Variants in TDRD7 observed in about 807,000 individuals in gnomAD.
The protein encoded by TDRD7 is tudor domain containing 7, also known as tudor domain-containing protein 7.
Under a neutral mutation model 109.8 loss-of-function variants are expected in TDRD7, and 47 were observed. That is an observed-to-expected ratio of 0.43 (90% CI 0.34 to 0.55). The LOEUF (loss-of-function observed/expected upper bound fraction) is 0.55. Ranked by LOEUF, TDRD7 falls within the 20% of genes least tolerant of loss-of-function variation. TDRD7 has a pLI of 0.03. For synonymous variants in TDRD7, 424 were observed against 457.3 expected (o/e 0.93, Z 0.93); for missense variants, 1,164 against 1,319.2 (o/e 0.88, Z 1.82).
intron 2 of TDRD7, among the ~76,000 whole-genome samples, chr9:97,429,394 A>T (rs1322297450): frequency 6.6e-6 from 1 of 152,114 alleles, no homozygotes; most frequent in Non-Finnish European, 1.5e-5. Flanking sequence ...AAACAAAAAC[A>T]CCCACACCCC....
In TDRD7 at chr9:97,454,128, T is replaced by C. The variant is rs146231072; in HGVS notation, c.856-6050T>C. 6.9e-3 allele frequency among the ~76,000 whole-genome samples: 1,050 copies of C among 152,302 alleles called. 8 individuals carry two copies. The highest frequency in any genetic ancestry group is 0.011 in the Non-Finnish European group (745 of 68,028). ...GCACCACATGGCACTTATTCTGAAA[T>C]TGACCGCATATTTGGAAGTAAAATG... On this transcript the variant is annotated intron_variant, in intron 6 of 16. Coordinates refer to ENST00000355295, the MANE Select transcript of TDRD7 (RefSeq NM_014290.3).
Position 97,460,247 on chromosome 9 carries a change from A to C in TDRD7, c.925A>C (p.Ser309Arg). The stretch of plus-strand genomic sequence containing the variant: ...AGCTAAGAGAAAGCAGCTTTTGAGA[A>C]GTGAACTGGATACTGAGAAAGTACC... ...YPAKRKQLLR[S>R]ELDTEKVPLS... Residue 309 changes from serine to arginine, a missense_variant, in exon 7 of 17, where the codon AGT becomes CGT. Physicochemically the swap from Ser to Arg is moderately radical, Grantham distance 110. Coordinates refer to ENST00000355295, the MANE Select transcript of TDRD7 (RefSeq NM_014290.3). 6.2e-7 allele frequency: 1 copy of C among 1,614,268 alleles called. No homozygotes were observed. Among genetic ancestry groups the C allele is most frequent in the Non-Finnish European group, 8.5e-7 (1 of 1,180,050 alleles).
intron 2 of TDRD7, 86 bp from the exon 3 acceptor site, chr9:97,430,847 C>T: frequency 1.3e-6 from 2 of 1,537,048 alleles, no homozygotes; most frequent in Non-Finnish European, 1.8e-6. Context: ...TATGTAGGCT[C>T]ACTAAGATCC....
At chr9:97,440,751 A>G (rs566498220) in intron 5 of TDRD7, among the ~76,000 whole-genome samples, 149 of 152,324 alleles carry the variant, frequency 9.8e-4, no homozygotes, top group African/African-American at 3.3e-3. Flanking sequence ...CAGAGATACT[A>G]TCTGCTTAAA....
At chr9:97,424,381 T>C (rs1244327364) in intron 1 of TDRD7, among the ~76,000 whole-genome samples, 3 of 152,118 alleles carry the variant, frequency 2.0e-5, no homozygotes, top group Non-Finnish European at 4.4e-5. Context: ...TTACTGATTT[T>C]ATTTTTTTGA....
chr9:97,428,660 T>C lies in TDRD7; in HGVS notation c.195T>C (p.Ser65=). 6.2e-7 allele frequency: 1 copy of C among 1,613,694 alleles called. No individual in the cohort carries two copies. Among genetic ancestry groups the C allele is most frequent in the East Asian group, 2.2e-5 (1 of 44,860 alleles). Residue 65 remains serine, a synonymous_variant, in exon 2 of 17, where the codon AGT becomes AGC. Coordinates refer to ENST00000355295, the MANE Select transcript of TDRD7 (RefSeq NM_014290.3). Reference sequence around the variant, plus strand: ...CAGCAGTGGTCAGGATAGAGACTAGTAGATCTGGAGAGGTAAGAAGGTAAT... The same window carrying C: ...CAGCAGTGGTCAGGATAGAGACTAGCAGATCTGGAGAGGTAAGAAGGTAAT... ...SVPAVVRIET[S]RSGEITCYAM... is the part of the protein sequence containing the mutation.
chr9:97,442,433 A>G (rs1327178859), intron 6 of TDRD7, among the ~76,000 whole-genome samples: 3 of 152,212 alleles, frequency 2.0e-5, no homozygotes, highest in Non-Finnish European at 4.4e-5. Context: ...ATGATTTATC[A>G]ATTTCCATTT....
At position 97,475,384 on chromosome 9, in the gene TDRD7, A is replaced by C. The variant is rs778665179; in HGVS notation, c.2081A>C (p.His694Pro). 6.2e-7 allele frequency: 1 copy of C among 1,612,444 alleles called. No homozygotes were observed. The highest frequency in any genetic ancestry group is 2.2e-5 in the East Asian group (1 of 44,878). ...RKIEDYFHCK[H>P]MTSECFVSLP... ...GTATCATGCATTTCTGTTTTGCAGC[A>C]CATGACCTCTGAGTGCTTTGTTTCA... Residue 694 changes from histidine to proline, a missense_variant and splice_region_variant, in exon 12 of 17, where the codon CAC becomes CCC. By Grantham distance (77) the His-to-Pro change is moderately conservative. Transcript: ENST00000355295.
chr9:97,471,062 TG>T (rs1190530143), intron 9 of TDRD7, among the ~76,000 whole-genome samples: 2 of 152,094 alleles, frequency 1.3e-5, no homozygotes, highest in Non-Finnish European at 2.9e-5. Flanking sequence ...GCTGTGAGGG[TG>T]TGACTGACAC....
chr9:97,459,549 C>G (rs1457870191), intron 6 of TDRD7, among the ~76,000 whole-genome samples: 1 of 152,158 alleles, frequency 6.6e-6, no homozygotes, highest in Non-Finnish European at 1.5e-5. Flanking sequence ...CTGTGCCTCT[C>G]AGAAATGGCA....
At chr9:97,471,762 C>A (rs755163351) in intron 9 of TDRD7, among the ~76,000 whole-genome samples, 8 of 152,112 alleles carry the variant, frequency 5.3e-5, no homozygotes, top group Non-Finnish European at 1.0e-4. Context: ...CAAAATTCAT[C>A]TAATACCTGT....
chr9:97,455,233 A>G (rs1283281144), intron 6 of TDRD7, among the ~76,000 whole-genome samples: 1 of 152,216 alleles, frequency 6.6e-6, no homozygotes, highest in South Asian at 2.1e-4. Context: ...TCACAGCTGA[A>G]TTCTACCAGA....
intron 6 of TDRD7, among the ~76,000 whole-genome samples, chr9:97,456,490 A>C (rs1358199393): frequency 6.6e-6 from 1 of 152,188 alleles, no homozygotes; most frequent in Non-Finnish European, 1.5e-5. Context: ...AAATAGACCA[A>C]TGGAGCAGAA....
intron 1 of TDRD7, among the ~76,000 whole-genome samples, chr9:97,422,642 G>A (rs1827918795): frequency 6.6e-6 from 1 of 152,234 alleles, no homozygotes; most frequent in African/African-American, 2.4e-5. Context: ...CTTTAGCTGT[G>A]AGTAATGATG....
At chr9:97,490,717 T>G (rs1277326548) in intron 16 of TDRD7, among the ~76,000 whole-genome samples, 1 of 151,742 alleles carries the variant, frequency 6.6e-6, no homozygotes, top group African/African-American at 2.4e-5. Flanking sequence ...CTTTGATAGA[T>G]CTTGGATTTT....
At chr9:97,477,536 A>G (rs950120049) in intron 12 of TDRD7, among the ~76,000 whole-genome samples, 3 of 152,150 alleles carry the variant, frequency 2.0e-5, no homozygotes, top group Non-Finnish European at 4.4e-5. Context: ...ATGTCCAAAT[A>G]TTTTAGATAA....
chr9:97,439,418 G>T, intron 5 of TDRD7, 100 bp downstream of exon 5: 2 of 968,642 alleles, frequency 2.1e-6, no homozygotes, highest in Non-Finnish European at 3.2e-6. Flanking sequence ...TCTCCTGTTT[G>T]GAATATATCC....
In TDRD7 at chr9:97,460,345, T is replaced by C; in HGVS notation, c.1023T>C (p.Phe341=). The change falls in exon 7 of 17, where the codon TTT becomes TTC. Residue 341 remains phenylalanine (F), a synonymous_variant. Transcript: ENST00000355295. The stretch of plus-strand genomic sequence containing the variant: ...GTCCAACAGTTATGGCAGGAGACTT[T>C]AAAGAAAAAGTGGCAGACCTGCTGG... The part of the protein sequence containing the change: ...KGCPTVMAGD[F]KEKVADLLVK... 6.2e-7 allele frequency: 1 copy of C among 1,614,202 alleles called. No individual in the cohort carries two copies. Among genetic ancestry groups the C allele is most frequent in the Non-Finnish European group, 8.5e-7 (1 of 1,180,032 alleles).
rs867291993 is a variant in TDRD7 at position 97,472,350 on chromosome 9, G to A, written c.1799G>A (p.Cys600Tyr). Reference sequence around the variant, plus strand: ...GTGAAGGTGGTTGAATCTTTAACTTGTGGAAAGATCTTTGCAGTGGAAATA... The same window carrying A: ...GTGAAGGTGGTTGAATCTTTAACTTATGGAAAGATCTTTGCAGTGGAAATA... ...DLVKVVESLT[C>Y]GKIFAVEILD... is the part of the protein sequence containing the mutation. The change falls in exon 10 of 17, where the codon TGT (cysteine) becomes TAT (tyrosine). Residue 600 changes from cysteine to tyrosine, a missense_variant. By Grantham distance (194) the Cys-to-Tyr change is radical. Around this residue, in one of 5 missense-constraint regions of TDRD7, gnomAD observed 261 missense variants for 336.2 expected, o/e 0.78. Transcript: ENST00000355295. 2 of 1,613,900 alleles carry A rather than the reference G, an allele frequency of 1.2e-6. No individual in the cohort carries two copies. The highest frequency in any genetic ancestry group is 1.1e-5 in the South Asian group (1 of 91,084).
Sources: gnomAD v4.1 joint callset for allele counts (sites outside exome capture counted in the v4.1 genomes callset) on GRCh38, gnomAD v4.1.1 for gene constraint, gnomAD v4.1.1 regional missense constraint, MANE v1.5 for transcripts, NCBI Gene and HGNC (gene_info 2026-07-23, HGNC 2026-07-21) for gene names.